The following TOP2B variants were observed in gnomAD, a reference collection of about 807,000 sequenced individuals.
TOP2B encodes DNA topoisomerase II beta.
TOP2B carries 51 observed loss-of-function variants against 193.5 expected under a neutral mutation model. The ratio of observed to expected loss-of-function variants is 0.26; its 90% CI spans 0.21 to 0.33. The LOEUF is 0.33. Among genes scored for constraint, TOP2B ranks in the 10% least tolerant of loss-of-function variants. The pLI, the probability that TOP2B is intolerant of heterozygous loss-of-function variation, is 1.00. For synonymous variants in TOP2B, 634 were observed against 635.7 expected (o/e 1.00, Z 0.04); for missense variants, 1,378 against 1,909.3 (o/e 0.72, Z 5.19).
chr3:25,598,496 G>GAT lies in TOP2B; in HGVS notation c.4711-21_4711-20dup, dbSNP rs776616662. On this transcript the variant is annotated intron_variant, in intron 35 of 35. Coordinates refer to ENST00000264331, the MANE Select transcript of TOP2B (RefSeq NM_001330700.2). ...TCGGTTTCTAGATTTTTTTTCAATA[G>GAT]ATTTAAAAGTTATGAAAGGAAGTAA... 1.2e-5 allele frequency: 19 copies of GAT among 1,546,192 alleles called. No individual in the cohort carries two copies. Among genetic ancestry groups the GAT allele is most frequent in the African/African-American group, 5.5e-5 (4 of 72,180 alleles).
chr3:25,609,686 T>A lies in TOP2B; in HGVS notation c.3813A>T (p.Lys1271Asn). 1 of 1,513,898 alleles carries A rather than the reference T, an allele frequency of 6.6e-7. No individual in the cohort carries two copies. The highest frequency in any genetic ancestry group is 8.8e-7 in the Non-Finnish European group (1 of 1,137,004). The allele number at this position is 1,513,898 out of a possible 1,614,324, so 93.8% of individuals were successfully genotyped here. A position where few individuals can be genotyped will look rare whatever the true frequency, so the allele number is the denominator to read the frequency against. Reference protein sequence around the residue: ...KKGDLDTAAVKVEFDEEFSGA... With the variant: ...KKGDLDTAAVNVEFDEEFSGA... ...CACTGAATTCTTCATCAAATTCCAC[T>A]TTTACTGCTGCAGTATCAAGATCAC... Residue 1271 changes from lysine (K) to asparagine (N), a missense_variant, in exon 29 of 36, where the codon AAA becomes AAT. This residue lies in a region of TOP2B where 556 missense variants were observed against 584.2 expected (regional missense o/e 0.95). Coordinates refer to ENST00000264331, the MANE Select transcript of TOP2B (RefSeq NM_001330700.2).
Position 25,645,459 on chromosome 3 carries a change from A to C in TOP2B, c.81T>G (p.Asp27Glu), listed in dbSNP as rs774190550. The change falls in exon 2 of 36, where the codon GAT becomes GAG. Residue 27 changes from aspartate (D) to glutamate (E), a missense_variant. By Grantham distance (45) the Asp-to-Glu change is conservative (BLOSUM62 2). Coordinates refer to ENST00000264331, the MANE Select transcript of TOP2B (RefSeq NM_001330700.2). ...NGALTWVTLFDQNNAAKKEES... is the reference protein window; with the variant it reads ...NGALTWVTLFEQNNAAKKEES... ...CTTCTTTTTTTGCAGCATTGTTCTGATCAAAAAGAGTCTAAAATTAACCAA... is the reference window on the plus strand; with the variant it reads ...CTTCTTTTTTTGCAGCATTGTTCTGCTCAAAAAGAGTCTAAAATTAACCAA... The C allele has an allele frequency of 2.5e-6, 4 of 1,604,182 alleles. No homozygotes were observed. In the East Asian group the frequency reaches 8.9e-5, roughly 36 times the overall value.
intron 4 of TOP2B, among the ~76,000 whole-genome samples, chr3:25,639,809 T>C (rs1703208500): frequency 2.0e-5 from 3 of 152,204 alleles, no homozygotes; most frequent in African/African-American, 7.2e-5. Context: ...TTTCCTTAAA[T>C]TTTATCCCTA....
chr3:25,603,567 A>G, intron 33 of TOP2B, among the ~76,000 whole-genome samples: 1 of 152,008 alleles, frequency 6.6e-6, no homozygotes, highest in Non-Finnish European at 1.5e-5. Context: ...AAAAAGAGAA[A>G]TTATAGGGTC....
At chr3:25,604,033 A>G (rs1485077908) in intron 33 of TOP2B, among the ~76,000 whole-genome samples, 4 of 152,212 alleles carry the variant, frequency 2.6e-5, no homozygotes, top group African/African-American at 7.2e-5. Flanking sequence ...GTTTCTCAAT[A>G]TGGTTCTACT....
chr3:25,599,380 T>G, intron 35 of TOP2B, 55 bp downstream of exon 35: 1 of 1,549,620 alleles, frequency 6.5e-7, no homozygotes, highest in Non-Finnish European at 8.8e-7. Context: ...CTAAGTCACT[T>G]ACAGATCTTT....
At position 25,627,203 on chromosome 3, in the gene TOP2B, T is replaced by G. The variant is rs1490127061; in HGVS notation, c.2000A>C (p.Asp667Ala). ...ILFRYAGPED[D>A]AAITLAFSKK... ...CTTAATTACCAAGGTAATGGCAGCATCATCTTCAGGACCAGCATATCTAAA... is the reference window on the plus strand; with the variant it reads ...CTTAATTACCAAGGTAATGGCAGCAGCATCTTCAGGACCAGCATATCTAAA... The change falls in exon 16 of 36, where the codon GAT becomes GCT. Residue 667 changes from aspartate (D) to alanine (A), a missense_variant. Physicochemically the swap from Asp to Ala is moderately radical, Grantham distance 126. Coordinates refer to ENST00000264331, the MANE Select transcript of TOP2B (RefSeq NM_001330700.2). The G allele has an allele frequency of 1.2e-6, 2 of 1,600,424 alleles. No individual in the cohort carries two copies. Among genetic ancestry groups the G allele is most frequent in the Non-Finnish European group, 8.5e-7 (1 of 1,175,648 alleles).
chr3:25,630,759 T>G, intron 11 of TOP2B, 42 bp downstream of exon 11: 1 of 1,454,038 alleles, frequency 6.9e-7, no homozygotes, highest in Non-Finnish European at 9.1e-7. Flanking sequence ...TAAATAAAAG[T>G]GAAACTTAAA....
intron 31 of TOP2B, among the ~76,000 whole-genome samples, chr3:25,606,345 T>C (rs2125347399): frequency 6.6e-6 from 1 of 152,248 alleles, no homozygotes; most frequent in Non-Finnish European, 1.5e-5. Context: ...ATACCACGTA[T>C]GCACACAGAC....
At chr3:25,620,642 CA>C in intron 22 of TOP2B, 39 bp downstream of exon 22, 1 of 1,587,598 alleles carries the variant, frequency 6.3e-7, no homozygotes, top group Non-Finnish European at 8.6e-7. Flanking sequence ...TTGCTTAATA[CA>C]CTGCCCTTCC....
chr3:25,626,775 TG>T lies in TOP2B; in HGVS notation c.2105del (p.Pro702GlnfsTer13). On this transcript the variant is annotated frameshift_variant, in exon 17 of 36. Coordinates refer to ENST00000264331, the MANE Select transcript of TOP2B (RefSeq NM_001330700.2). LOFTEE classifies it high-confidence loss of function. The stretch of plus-strand genomic sequence containing the variant: ...GTCACCACTCTTTAAGACTAACCTC[TG>T]GTAAGCCATGTAGCCTACGCTGTCT... Reference protein sequence around the residue: ...DRRQRRLHGLPEQFLYGTATK... With the variant: ...DRRQRRLHGLXEQFLYGTATK... 6.2e-7 allele frequency: 1 copy of T among 1,606,868 alleles called. No homozygotes were observed. The highest frequency in any genetic ancestry group is 8.5e-7 in the Non-Finnish European group (1 of 1,175,954).
Position 25,664,366 on chromosome 3 carries a change from G to T in TOP2B, c.-69C>A. 1 of 1,383,526 alleles carries T rather than the reference G, an allele frequency of 7.2e-7. No individual in the cohort carries two copies. The highest frequency in any genetic ancestry group is 1.5e-5 in the African/African-American group (1 of 65,298). The allele number at this position is 1,383,526 out of a possible 1,614,324, so 85.7% of individuals were successfully genotyped here. Reference sequence around the variant, plus strand: ...CTCCCGCCTCCCTGCGGGCCGCTGGGCCCCGCCGCTCCGCACCCACCGCTC... The same window carrying T: ...CTCCCGCCTCCCTGCGGGCCGCTGGTCCCCGCCGCTCCGCACCCACCGCTC... On this transcript the variant is annotated 5_prime_UTR_variant, in exon 1 of 36. Transcript: ENST00000264331.
intron 8 of TOP2B, 88 bp downstream of exon 8, chr3:25,633,753 G>T: frequency 8.4e-7 from 1 of 1,186,756 alleles, no homozygotes; most frequent in Non-Finnish European, 1.1e-6. Context: ...GGGTTTTTTG[G>T]GGGTTGTGGA....
chr3:25,636,941 G>A (rs1051495692), intron 6 of TOP2B, among the ~76,000 whole-genome samples: 9 of 151,916 alleles, frequency 5.9e-5, no homozygotes, highest in African/African-American at 2.2e-4. Flanking sequence ...ATGAGTCTGC[G>A]AGGTTCAGGA....
chr3:25,606,312 A>C (rs1200482131), intron 31 of TOP2B, among the ~76,000 whole-genome samples, 190 bp from the exon 32 acceptor site: 1 of 152,128 alleles, frequency 6.6e-6, no homozygotes, highest in Non-Finnish European at 1.5e-5. Flanking sequence ...AAGTGTGCAC[A>C]CATACCCATG....
intron 4 of TOP2B, among the ~76,000 whole-genome samples, chr3:25,638,779 T>A (rs930176680): frequency 6.6e-6 from 1 of 152,178 alleles, no homozygotes; most frequent in Non-Finnish European, 1.5e-5. Flanking sequence ...GAACTGGCTA[T>A]CAAACTCACC....
In TOP2B at chr3:25,624,540, G is replaced by C. The variant is rs541757638; in HGVS notation, c.2347-95C>G. The C allele has an allele frequency of 3.9e-6, 6 of 1,539,820 alleles. No individual in the cohort carries two copies. The African/African-American group carries it at 8.3e-5, about 21-fold the overall frequency. On this transcript the variant is annotated intron_variant, in intron 19 of 35. Coordinates refer to ENST00000264331, the MANE Select transcript of TOP2B (RefSeq NM_001330700.2). ...ATTAAAATCCAAGTGAAGAATAAAG[G>C]CTTTAGAATCTCACTAATCTGTATA... is the stretch of plus-strand genomic sequence containing the variant.
intron 1 of TOP2B, among the ~76,000 whole-genome samples, chr3:25,652,149 T>C (rs1185573847): frequency 6.6e-6 from 1 of 152,154 alleles, no homozygotes; most frequent in Non-Finnish European, 1.5e-5. Context: ...AAGATATGCA[T>C]CTAACATTAC....
intron 1 of TOP2B, among the ~76,000 whole-genome samples, chr3:25,661,509 C>T (rs1217635281): frequency 6.6e-6 from 1 of 152,168 alleles, no homozygotes; most frequent in Non-Finnish European, 1.5e-5. Flanking sequence ...ACAAGACTGA[C>T]AGAATGAACC....
Sources: allele counts gnomAD v4.1 joint callset (sites outside exome capture counted in the v4.1 genomes callset), GRCh38; gene constraint gnomAD v4.1.1; regional missense constraint gnomAD v4.1.1; transcripts MANE v1.5; gene names NCBI Gene and HGNC (gene_info 2026-07-23, HGNC 2026-07-21).